Variants in PPP4R1 observed in about 807,000 individuals in gnomAD.
The protein encoded by PPP4R1 is protein phosphatase 4 regulatory subunit 1, also known as serine/threonine-protein phosphatase 4 regulatory subunit 1.
A neutral mutation model predicts 111.2 loss-of-function variants in PPP4R1; 42 were observed. The ratio of observed to expected loss-of-function variants is 0.38; its 90% CI spans 0.29 to 0.49. The LOEUF (loss-of-function observed/expected upper bound fraction) is 0.49, where lower values mean the gene tolerates loss of function less well. PPP4R1 is among the 20% of genes least tolerant of loss of function. The probability of loss-of-function intolerance (pLI) is 0.97; values close to 1 mark genes in which losing one functional copy is unlikely to be tolerated. For synonymous variants in PPP4R1, 409 were observed against 405.5 expected (o/e 1.01, Z -0.10); for missense variants, 1,012 against 1,161.6 (o/e 0.87, Z 1.87).
chr18:9,564,737 T>TGTGTGTGG (rs1475596391), intron 11 of PPP4R1, among the ~76,000 whole-genome samples: 176 of 68,016 alleles, frequency 2.6e-3, no homozygotes, highest in South Asian at 4.5e-3. Context: ...TGTGTGTGTG[T>TGTGTGTGG]GGGGGTATCA....
intron 15 of PPP4R1, chr18:9,556,906 G>A (rs1244372938): frequency 5.2e-6 from 1 of 190,582 alleles, no homozygotes; most frequent in African/African-American, 2.4e-5. Flanking sequence ...GTGTGCATGG[G>A]GGACCTGGAA....
At chr18:9,564,719 TGTGTGTGTGTGTGTGTGTGGGG>T (rs763889711) in intron 11 of PPP4R1, among the ~76,000 whole-genome samples, 14 of 56,098 alleles carry the variant, frequency 2.5e-4, no homozygotes, top group East Asian at 2.1e-3. Context: ...TGTGTGTGTG[TGTGTGTGTGTGTGTGTGTGGGG>T]GTATCATCCC....
At chr18:9,564,754 ATCCATTC>A (rs2066738509) in intron 11 of PPP4R1, among the ~76,000 whole-genome samples, 1 of 144,118 alleles carries the variant, frequency 6.9e-6, no homozygotes, top group African/African-American at 2.6e-5. Context: ...ATCATCCCCC[ATCCATTC>A]TGTTCCCTGG....
At chr18:9,605,766 T>C (rs1319144132) in intron 2 of PPP4R1, among the ~76,000 whole-genome samples, 2 of 152,114 alleles carry the variant, frequency 1.3e-5, no homozygotes, top group Non-Finnish European at 2.9e-5. Context: ...ACTGGGGATA[T>C]TTCAATATGT....
At chr18:9,596,103 A>G (rs2067285888) in intron 2 of PPP4R1, among the ~76,000 whole-genome samples, 1 of 152,256 alleles carries the variant, frequency 6.6e-6, no homozygotes, top group Admixed American at 6.5e-5. Context: ...GGATTAGATT[A>G]CTAGCCAGGG....
intron 13 of PPP4R1, among the ~76,000 whole-genome samples, chr18:9,560,440 T>C (rs2066654519): frequency 6.6e-6 from 1 of 151,938 alleles, no homozygotes; most frequent in East Asian, 1.9e-4. Context: ...TGGAAGGATA[T>C]AAAAGAAAGG....
chr18:9,548,331 G>C (rs1290607072), intron 19 of PPP4R1, among the ~76,000 whole-genome samples: 1 of 150,870 alleles, frequency 6.6e-6, no homozygotes, highest in Admixed American at 6.6e-5. Context: ...CTTATTCTTT[G>C]ACATCTACTA....
intron 4 of PPP4R1, among the ~76,000 whole-genome samples, chr18:9,592,640 A>C (rs1376615221): frequency 1.3e-5 from 2 of 151,704 alleles, no homozygotes; most frequent in East Asian, 3.9e-4. Flanking sequence ...TACCAATGTG[A>C]GAACATATTT....
intron 6 of PPP4R1, among the ~76,000 whole-genome samples, chr18:9,586,272 T>C (rs1324157866): frequency 2.6e-5 from 4 of 151,974 alleles, no homozygotes; most frequent in Admixed American, 2.0e-4. Flanking sequence ...TAGCACTGGA[T>C]ATAGTTTTTA....
chr18:9,583,709 T>C (rs1006413982), intron 8 of PPP4R1, among the ~76,000 whole-genome samples: 11 of 152,124 alleles, frequency 7.2e-5, no homozygotes, highest in Admixed American at 1.3e-4. Context: ...GTAGGATCTA[T>C]TAGTATTTAT....
chr18:9,573,174 C>T (rs920100801), intron 10 of PPP4R1, among the ~76,000 whole-genome samples: 2 of 152,024 alleles, frequency 1.3e-5, no homozygotes, highest in Admixed American at 6.6e-5. Flanking sequence ...TGTATTTTTC[C>T]CTTTTGTTAT....
intron 11 of PPP4R1, among the ~76,000 whole-genome samples, chr18:9,568,017 A>G (rs1019950739): frequency 6.6e-6 from 1 of 152,174 alleles, no homozygotes; most frequent in Non-Finnish European, 1.5e-5. Flanking sequence ...TTACTACAGT[A>G]TAGTATAAAC....
In PPP4R1 at chr18:9,559,623, C is replaced by G. The variant is rs1007798616; in HGVS notation, c.1843-19G>C. The G allele has an allele frequency of 6.5e-7, 1 of 1,537,396 alleles. No homozygotes were observed. The highest frequency in any genetic ancestry group is 8.8e-7 in the Non-Finnish European group (1 of 1,132,938). ...CAACATCCTAATGGAGAAAGAGAAA[C>G]CACAGTGACTGAGCAGCTGAGATGC... On this transcript the variant is annotated intron_variant, in intron 13 of 19. Coordinates refer to ENST00000400556, the MANE Select transcript of PPP4R1 (RefSeq NM_001042388.3).
intron 13 of PPP4R1, among the ~76,000 whole-genome samples, chr18:9,561,218 CTAATAATAA>C (rs111924050): frequency 0.077 from 10,731 of 139,062 alleles, 420 homozygotes; most frequent in Admixed American, 0.092. Context: ...GACTCCATCT[CTAATAATAA>C]TAATAATAAT....
At position 9,561,934 on chromosome 18, in the gene PPP4R1, G is replaced by C. The variant is rs1384077260; in HGVS notation, c.1842+46C>G. On this transcript the variant is annotated intron_variant, in intron 13 of 19. Coordinates refer to ENST00000400556, the MANE Select transcript of PPP4R1 (RefSeq NM_001042388.3). ...AGGTCAGAAATGGGCTCTAAAAGAGGAATTAGGAACACACCCACAAAAGAA... is the reference window on the plus strand; with the variant it reads ...AGGTCAGAAATGGGCTCTAAAAGAGCAATTAGGAACACACCCACAAAAGAA... 3.4e-6 allele frequency: 5 copies of C among 1,481,164 alleles called. No homozygotes were observed. In the South Asian group the frequency reaches 5.7e-5, roughly 17 times the overall value. 91.8% of individuals were successfully genotyped at this position (1,481,164 alleles called of 1,614,324 possible). A position where few individuals can be genotyped will look rare whatever the true frequency, so the allele number is the denominator to read the frequency against.
At position 9,595,221 on chromosome 18, in the gene PPP4R1, A is replaced by G. The variant is rs928521519; in HGVS notation, c.53-68T>C. 8 of 1,506,312 alleles carry G rather than the reference A, an allele frequency of 5.3e-6. No homozygotes were observed. In the African/African-American group the frequency reaches 8.3e-5, roughly 16 times the overall value. 93.3% of individuals were successfully genotyped at this position (1,506,312 alleles called of 1,614,324 possible). ...TAAAATGTACCCCTTGCCTGTCTGA[A>G]GCAGTACAAATCTGTTTCTGGAATG... On this transcript the variant is annotated intron_variant, in intron 2 of 19. Coordinates refer to ENST00000400556, the MANE Select transcript of PPP4R1 (RefSeq NM_001042388.3).
At chr18:9,574,506 C>T (rs2066908283) in intron 10 of PPP4R1, among the ~76,000 whole-genome samples, 2 of 152,090 alleles carry the variant, frequency 1.3e-5, no homozygotes, top group Non-Finnish European at 2.9e-5. Flanking sequence ...ATATAGTTAG[C>T]ATTAAGCTAA....
At chr18:9,605,881 C>G (rs2067473834) in intron 2 of PPP4R1, among the ~76,000 whole-genome samples, 1 of 152,216 alleles carries the variant, frequency 6.6e-6, no homozygotes, top group African/African-American at 2.4e-5. Context: ...CTAAAGGTCC[C>G]AATGACCACA....
Position 9,556,821 on chromosome 18 carries a change from G to A in PPP4R1, c.2190+400C>T, listed in dbSNP as rs1019754933. On this transcript the variant is annotated intron_variant, in intron 15 of 19. Transcript: ENST00000400556. ...ACCAGATTGAAAATACAGTATTCCC[G>A]GATGTGAAACTGGAGTACACGGAGG... Among the ~76,000 whole-genome samples the A allele has an allele frequency of 7.9e-5, 12 of 152,192 alleles. 1 individual carries two copies. The Middle Eastern group carries it at 0.01, about 129-fold the overall frequency.
Sources: allele counts gnomAD v4.1 joint callset (sites outside exome capture counted in the v4.1 genomes callset), GRCh38; gene constraint gnomAD v4.1.1; transcripts MANE v1.5; gene names NCBI Gene and HGNC (gene_info 2026-07-23, HGNC 2026-07-21).